Variants in CHPF2 observed in about 807,000 individuals in gnomAD.
CHPF2 encodes chondroitin polymerizing factor 2, non-catalytic subunit.
A neutral mutation model predicts 63.0 loss-of-function variants in CHPF2; 58 were observed. The ratio of observed to expected loss-of-function variants is 0.92; its 90% CI spans 0.75 to 1.15. CHPF2 has a LOEUF of 1.15. Ranked by LOEUF, CHPF2 falls within the 50% of genes most tolerant of loss-of-function variation. The pLI is 0.00. For missense variants in CHPF2, 1,045 were observed against 1,035.4 expected (o/e 1.01, Z -0.13); for synonymous variants, 442 against 438.0 (o/e 1.01, Z -0.11).
rs758148160 is a variant in CHPF2, at chr7:151,235,512, T to C, written c.728T>C (p.Leu243Pro). 23 of 1,611,364 alleles carry C rather than the reference T, an allele frequency of 1.4e-5. No homozygotes were observed. The highest frequency in any genetic ancestry group is 1.8e-5 in the Non-Finnish European group (21 of 1,180,016). ...CTCCTGCTTCGTCTGCGGCCACATC[T>C]GGATGGCTGCCGAGGAGACATTCTC... is the stretch of plus-strand genomic sequence containing the variant. ...RSLLLRLRPH[L>P]DGCRGDILSA... Residue 243 changes from leucine (L) to proline (P), a missense_variant, in exon 2 of 4, where the codon CTG becomes CCG. By Grantham distance (98) the Leu-to-Pro change is moderately conservative. Transcript: ENST00000035307.
At chr7:151,234,878 C>CCA (rs10647522) in intron 1 of CHPF2, among the ~76,000 whole-genome samples, 170 bp from the exon 2 acceptor site, 108,470 of 151,844 alleles carry the variant, frequency 0.71, 39,053 homozygotes, top group East Asian at 0.88. Flanking sequence ...CAAATCAATT[C>CCA]GTGTCAGCTA....
rs756750746 is a variant in CHPF2, at chr7:151,235,247, C to T, written c.463C>T (p.Arg155Trp). ...GMQVVSHGDE[R>W]PAWLMSETLR... Reference sequence around the variant, plus strand: ...GCAGGTGGTGTCTCATGGGGATGAGCGGCCCGCCTGGCTCATGTCAGAGAC... The same window carrying T: ...GCAGGTGGTGTCTCATGGGGATGAGTGGCCCGCCTGGCTCATGTCAGAGAC... The change falls in exon 2 of 4, where the codon CGG becomes TGG. Residue 155 changes from arginine (R) to tryptophan (W), a missense_variant. Arg to Trp is a moderately radical substitution (Grantham distance 101). Transcript: ENST00000035307. The T allele has an allele frequency of 1.3e-5, 21 of 1,612,996 alleles. No individual in the cohort carries two copies. Among genetic ancestry groups the T allele is most frequent in the East Asian group, 4.5e-5 (2 of 44,848 alleles).
Position 151,237,888 on chromosome 7 carries a change from C to G in CHPF2, c.1526C>G (p.Ala509Gly). ...GCTGCAGCCCCGGCTTTCCTCGAGG[C>G]CTTTGCAGCCAATGTCCTGGAGCCA... ...EAAAAPAFLEAFAANVLEPRE... is the reference protein window; with the variant it reads ...EAAAAPAFLEGFAANVLEPRE... The change falls in exon 4 of 4, where the codon GCC becomes GGC. Residue 509 changes from alanine to glycine, a missense_variant. Ala to Gly is a moderately conservative substitution (Grantham distance 60, BLOSUM62 0). Transcript: ENST00000035307. The G allele has an allele frequency of 1.2e-6, 2 of 1,612,736 alleles. No individual in the cohort carries two copies. The highest frequency in any genetic ancestry group is 8.5e-7 in the Non-Finnish European group (1 of 1,179,986).
Position 151,233,364 on chromosome 7 carries a change from G to GGA in CHPF2, c.-646_-645dup, listed in dbSNP as rs1367157857. The GGA allele has an allele frequency of 1.0e-6, 1 of 985,818 alleles. No individual in the cohort carries two copies. The highest frequency in any genetic ancestry group is 6.1e-5 in the Admixed American group (1 of 16,280). 61.1% of individuals were successfully genotyped at this position (985,818 alleles called of 1,614,324 possible). On this transcript the variant is annotated 5_prime_UTR_variant, in exon 1 of 4. Transcript: ENST00000035307. ...AGTGGCTCCAGACCGCTCCTGAGTG[G>GGA]GAGGAGGGGTTCCTGTAGCCGTTGC... is the stretch of plus-strand genomic sequence containing the variant.
In CHPF2 at chr7:151,232,515, CA is replaced by C. The variant is rs1802496831; in HGVS notation, c.-1496del. 1 of 502,222 alleles carries C rather than the reference CA, an allele frequency of 2.0e-6. No homozygotes were observed. Among genetic ancestry groups the C allele is most frequent in the East Asian group, 3.6e-5 (1 of 27,508 alleles). The allele number at this position is 502,222 out of a possible 1,614,324, so 31.1% of individuals were successfully genotyped here. A position where few individuals can be genotyped will look rare whatever the true frequency, so the allele number is the denominator to read the frequency against. ...GCTGCGGACAGGGGCTGTGAGGTGG[CA>C]GCGGCTGCAGCGGCGGAGCCGGCGC... On this transcript the variant is annotated 5_prime_UTR_variant, in exon 1 of 4. Coordinates refer to ENST00000035307, the MANE Select transcript of CHPF2 (RefSeq NM_019015.3).
Position 151,238,172 on chromosome 7 carries a change from C to T in CHPF2, c.1810C>T (p.Leu604Phe), listed in dbSNP as rs370579543. ...TVWTRPGPEV[L>F]NRCRMNAISG... ...GTGGACAAGGCCTGGGCCCGAAGTCCTCAACCGCTGTCGCATGAATGCCAT... is the reference window on the plus strand; with the variant it reads ...GTGGACAAGGCCTGGGCCCGAAGTCTTCAACCGCTGTCGCATGAATGCCAT... Residue 604 changes from leucine (L) to phenylalanine (F), a missense_variant, in exon 4 of 4, where the codon CTC becomes TTC. Coordinates refer to ENST00000035307, the MANE Select transcript of CHPF2 (RefSeq NM_019015.3). 45 of 1,612,786 alleles carry T rather than the reference C, an allele frequency of 2.8e-5. No homozygotes were observed. In the African/African-American group the frequency reaches 5.5e-4, roughly 20 times the overall value.
chr7:151,238,198 C>T lies in CHPF2; in HGVS notation c.1836C>T (p.Ile612=). ...EVLNRCRMNA[I]SGWQAFFPVH... Reference sequence around the variant, plus strand: ...TCAACCGCTGTCGCATGAATGCCATCTCTGGCTGGCAGGCCTTCTTTCCAG... The same window carrying T: ...TCAACCGCTGTCGCATGAATGCCATTTCTGGCTGGCAGGCCTTCTTTCCAG... Residue 612 remains isoleucine (I), a synonymous_variant, in exon 4 of 4, where the codon ATC becomes ATT. Coordinates refer to ENST00000035307, the MANE Select transcript of CHPF2 (RefSeq NM_019015.3). 6.2e-7 allele frequency: 1 copy of T among 1,613,112 alleles called. No individual in the cohort carries two copies. Among genetic ancestry groups the T allele is most frequent in the South Asian group, 1.1e-5 (1 of 91,088 alleles).
chr7:151,238,120 G>C lies in CHPF2; in HGVS notation c.1758G>C (p.Val586=), dbSNP rs1438314446. ...ACGTGGTCTCGAAGAAGCACCCTGT[G>C]GACACTCTCTTCTTCCTTACCACCG... ...LMDVVSKKHP[V]DTLFFLTTVW... is the part of the protein sequence containing the mutation. Residue 586 remains valine, a synonymous_variant, in exon 4 of 4, where the codon GTG becomes GTC. Coordinates refer to ENST00000035307, the MANE Select transcript of CHPF2 (RefSeq NM_019015.3). 1.2e-6 allele frequency: 2 copies of C among 1,612,232 alleles called. No individual in the cohort carries two copies. Among genetic ancestry groups the C allele is most frequent in the African/African-American group, 2.7e-5 (2 of 74,942 alleles).
At position 151,238,041 on chromosome 7, in the gene CHPF2, G is replaced by T; in HGVS notation, c.1679G>T (p.Arg560Met). The T allele has an allele frequency of 6.2e-7, 1 of 1,612,664 alleles. No individual in the cohort carries two copies. The highest frequency in any genetic ancestry group is 8.5e-7 in the Non-Finnish European group (1 of 1,180,040). The change falls in exon 4 of 4, where the codon AGG becomes ATG. Residue 560 changes from arginine to methionine, a missense_variant. Physicochemically the swap from Arg to Met is moderately conservative, Grantham distance 91 (BLOSUM62 -1). Coordinates refer to ENST00000035307, the MANE Select transcript of CHPF2 (RefSeq NM_019015.3). Reference sequence around the variant, plus strand: ...TTAGAGCGACGGTACCCTGGGACGAGGCTGGCCTGGCTCGCTGTGCGAGCA... The same window carrying T: ...TTAGAGCGACGGTACCCTGGGACGATGCTGGCCTGGCTCGCTGTGCGAGCA... ...AELERRYPGT[R>M]LAWLAVRAEA...
chr7:151,237,323 G>A, intron 3 of CHPF2, 51 bp from the exon 4 acceptor site: 1 of 1,448,868 alleles, frequency 6.9e-7, no homozygotes, highest in Non-Finnish European at 9.4e-7. Flanking sequence ...GCTGGAGCTG[G>A]GTAGGATCCT....
intron 3 of CHPF2, chr7:151,237,088 A>C: frequency 1.6e-6 from 1 of 621,654 alleles, no homozygotes; most frequent in African/African-American, 1.8e-5. Context: ...TGTAGGAGAG[A>C]AAGGCTGTTG....
rs902636878 is a variant in CHPF2 at position 151,238,094 on chromosome 7, G to A, written c.1732G>A (p.Asp578Asn). The A allele has an allele frequency of 1.2e-5, 19 of 1,612,228 alleles. No individual in the cohort carries two copies. Among genetic ancestry groups the A allele is most frequent in the Non-Finnish European group, 1.5e-5 (18 of 1,180,022 alleles). ...AEAPSQVRLM[D>N]VVSKKHPVDT... Reference sequence around the variant, plus strand: ...GGCCCCTTCCCAGGTGCGACTCATGGACGTGGTCTCGAAGAAGCACCCTGT... The same window carrying A: ...GGCCCCTTCCCAGGTGCGACTCATGAACGTGGTCTCGAAGAAGCACCCTGT... The change falls in exon 4 of 4, where the codon GAC (aspartate) becomes AAC (asparagine). Residue 578 changes from aspartate (D) to asparagine (N), a missense_variant. Coordinates refer to ENST00000035307, the MANE Select transcript of CHPF2 (RefSeq NM_019015.3).
chr7:151,235,742 C>T (rs1023271204), intron 2 of CHPF2, 130 bp downstream of exon 2: 2 of 864,186 alleles, frequency 2.3e-6, no homozygotes, highest in African/African-American at 3.4e-5. Flanking sequence ...TGTGGGCCCT[C>T]CGTTGCTCAC....
At position 151,237,767 on chromosome 7, in the gene CHPF2, C is replaced by CTT; in HGVS notation, c.1406_1407insTT (p.Arg470CysfsTer4). The CTT allele has an allele frequency of 6.2e-7, 1 of 1,612,416 alleles. No homozygotes were observed. The highest frequency in any genetic ancestry group is 1.1e-5 in the South Asian group (1 of 91,084). On this transcript the variant is annotated frameshift_variant, in exon 4 of 4. Transcript: ENST00000035307. LOFTEE classifies it high-confidence loss of function. ...GGCCCTGGCTCGCAGGGTCAGCCTGCTGCGGCCACTGAGCCGGGTGGAAAT... is the reference window on the plus strand; with the variant it reads ...GGCCCTGGCTCGCAGGGTCAGCCTGCTTTGCGGCCACTGAGCCGGGTGGAAAT...
chr7:151,238,624 G>T lies in CHPF2; in HGVS notation c.2262G>T (p.Gly754=). The T allele has an allele frequency of 6.2e-7, 1 of 1,612,298 alleles. No homozygotes were observed. Among genetic ancestry groups the T allele is most frequent in the Non-Finnish European group, 8.5e-7 (1 of 1,179,084 alleles). The part of the protein sequence containing the change: ...RCRLSNLEGL[G]GRAQLAMALF... ...GCCTCAGCAACCTGGAGGGGCTAGG[G>T]GGCCGTGCCCAGCTGGCTATGGCTC... The change falls in exon 4 of 4, where the codon GGG becomes GGT. Residue 754 remains glycine (G), a synonymous_variant. Transcript: ENST00000035307.
In CHPF2 at chr7:151,232,516, A is replaced by G. The variant is rs563632120; in HGVS notation, c.-1496A>G. The G allele has an allele frequency of 9.3e-4, 464 of 500,696 alleles. No individual in the cohort carries two copies. The highest frequency in any genetic ancestry group is 8.4e-3 in the African/African-American group (411 of 48,802). The allele number at this position is 500,696 out of a possible 1,614,324, so 31.0% of individuals were successfully genotyped here. Reference sequence around the variant, plus strand: ...CTGCGGACAGGGGCTGTGAGGTGGCAGCGGCTGCAGCGGCGGAGCCGGCGC... The same window carrying G: ...CTGCGGACAGGGGCTGTGAGGTGGCGGCGGCTGCAGCGGCGGAGCCGGCGC... On this transcript the variant is annotated 5_prime_UTR_variant, in exon 1 of 4. Transcript: ENST00000035307.
At chr7:151,236,340 A>G (rs2150583532) in intron 2 of CHPF2, 68 bp from the exon 3 acceptor site, 1 of 1,359,866 alleles carries the variant, frequency 7.4e-7, no homozygotes, top group Non-Finnish European at 1.0e-6. Context: ...AACACTGAGT[A>G]TGGTTAAGGG....
chr7:151,233,585 G>C lies in CHPF2; in HGVS notation c.-427G>C. On this transcript the variant is annotated 5_prime_UTR_variant, in exon 1 of 4. Transcript: ENST00000035307. The stretch of plus-strand genomic sequence containing the variant: ...GTTGGGGCTGTTGTTTTGATGGATC[G>C]TGTGCTTTTCCCTTACCTCTTATCA... The C allele has an allele frequency of 2.0e-6, 2 of 988,430 alleles. No homozygotes were observed. The highest frequency in any genetic ancestry group is 2.4e-6 in the Non-Finnish European group (2 of 832,070). The allele number at this position is 988,430 out of a possible 1,614,324, so 61.2% of individuals were successfully genotyped here.
chr7:151,237,315 T>C, intron 3 of CHPF2, 59 bp from the exon 4 acceptor site: 1 of 1,386,198 alleles, frequency 7.2e-7, no homozygotes, highest in Non-Finnish European at 9.9e-7. Context: ...CCCAGGCAGC[T>C]GGAGCTGGGT....
Sources: gnomAD v4.1 joint callset for allele counts (sites outside exome capture counted in the v4.1 genomes callset) on GRCh38, gnomAD v4.1.1 for gene constraint, MANE v1.5 for transcripts, NCBI Gene and HGNC (gene_info 2026-07-23, HGNC 2026-07-21) for gene names.